RALGAPA2: variants seen among roughly 807,000 people sequenced by gnomAD.
RALGAPA2 encodes the protein ral GTPase-activating protein subunit alpha-2.
A neutral mutation model predicts 230.4 loss-of-function variants in RALGAPA2; 139 were observed. The ratio of observed to expected loss-of-function variants is 0.60; its 90% CI spans 0.53 to 0.69. The LOEUF is 0.69. Among genes scored for constraint, RALGAPA2 ranks in the 30% least tolerant of loss-of-function variants. RALGAPA2 has a pLI of 0.00. For synonymous variants in RALGAPA2, 847 were observed against 837.8 expected, an observed-to-expected ratio of 1.01 and a Z score of -0.19; for missense variants, 2,163 against 2,276.0, an observed-to-expected ratio of 0.95 and a Z score of 1.01.
At chr20:20,443,573 CCTAA>C (rs960448118) in intron 37 of RALGAPA2, among the ~76,000 whole-genome samples, 13 of 152,182 alleles carry the variant, frequency 8.5e-5, no homozygotes, top group African/African-American at 3.1e-4. Context: ...TTCCAGCATC[CCTAA>C]CTTCTTTCTG....
At chr20:20,453,810 C>G (rs1361187461) in intron 37 of RALGAPA2, among the ~76,000 whole-genome samples, 1 of 152,054 alleles carries the variant, frequency 6.6e-6, no homozygotes, top group Non-Finnish European at 1.5e-5. Flanking sequence ...AGGAAATGGC[C>G]GATGGGTATT....
rs760866441 is a variant in RALGAPA2 at position 20,680,814 on chromosome 20, A to G, written c.107-13T>C. The G allele has an allele frequency of 1.9e-6, 3 of 1,555,422 alleles. No individual in the cohort carries two copies. The highest frequency in any genetic ancestry group is 2.6e-6 in the Non-Finnish European group (3 of 1,157,874). On this transcript the variant is annotated splice_polypyrimidine_tract_variant and intron_variant, in intron 1 of 39. Coordinates refer to ENST00000202677, the MANE Select transcript of RALGAPA2 (RefSeq NM_020343.4). ...GCATCCACATTATCTGAAAAGAAAA[A>G]GTTTCCATTTATGACAATTCACTTT...
intron 14 of RALGAPA2, among the ~76,000 whole-genome samples, chr20:20,607,217 A>G (rs1274060162): frequency 6.6e-6 from 1 of 152,234 alleles, no homozygotes; most frequent in East Asian, 1.9e-4. Flanking sequence ...GAAAACTCTG[A>G]TAAACAGAAA....
chr20:20,681,598 A>G (rs897441446), intron 1 of RALGAPA2, among the ~76,000 whole-genome samples: 1 of 152,144 alleles, frequency 6.6e-6, no homozygotes, highest in Non-Finnish European at 1.5e-5. Context: ...ACCTTTGTAC[A>G]TTTTCCTCAG....
At chr20:20,487,469 C>G (rs1369217345) in intron 36 of RALGAPA2, among the ~76,000 whole-genome samples, 2 of 152,140 alleles carry the variant, frequency 1.3e-5, no homozygotes, top group Non-Finnish European at 2.9e-5. Context: ...TTTCAGTGAG[C>G]CTGTGCCCCT....
At chr20:20,395,601 T>C (rs2059696715) in intron 39 of RALGAPA2, among the ~76,000 whole-genome samples, 1 of 152,138 alleles carries the variant, frequency 6.6e-6, no homozygotes, top group Non-Finnish European at 1.5e-5. Flanking sequence ...ACCTGGGCTC[T>C]GAGGCTCGTG....
chr20:20,698,613 T>C (rs554191646), intron 1 of RALGAPA2, among the ~76,000 whole-genome samples: 2 of 152,308 alleles, frequency 1.3e-5, no homozygotes, highest in South Asian at 4.1e-4. Flanking sequence ...TTGGTCAGGC[T>C]GGCCTCAAAC....
chr20:20,647,442 C>A (rs1488615759), intron 4 of RALGAPA2, among the ~76,000 whole-genome samples: 3 of 152,270 alleles, frequency 2.0e-5, no homozygotes, highest in South Asian at 4.1e-4. Flanking sequence ...GAGGAACCAG[C>A]ATTCCACTAA....
At chr20:20,421,552 C>G (rs2060275861) in intron 37 of RALGAPA2, among the ~76,000 whole-genome samples, 1 of 152,174 alleles carries the variant, frequency 6.6e-6, no homozygotes, top group Admixed American at 6.5e-5. Context: ...TGCCTGTAAC[C>G]CCAGCTACTC....
chr20:20,419,870 CT>C (rs2060241589), intron 37 of RALGAPA2, among the ~76,000 whole-genome samples: 1 of 152,198 alleles, frequency 6.6e-6, no homozygotes, highest in Admixed American at 6.5e-5. Context: ...GAGTGCCCCC[CT>C]GTGCTAGGTA....
chr20:20,697,840 G>C (rs938613232), intron 1 of RALGAPA2, among the ~76,000 whole-genome samples: 7 of 152,180 alleles, frequency 4.6e-5, no homozygotes, highest in African/African-American at 1.7e-4. Context: ...TTTCCACCAA[G>C]TTGGGAGGTG....
intron 23 of RALGAPA2, among the ~76,000 whole-genome samples, chr20:20,564,129 A>G (rs1013737949): frequency 6.6e-6 from 1 of 152,164 alleles, no homozygotes; most frequent in Non-Finnish European, 1.5e-5. Context: ...CCCACTGTCC[A>G]TGGGATGAAA....
intron 3 of RALGAPA2, 53 bp downstream of exon 3, chr20:20,676,183 T>A: frequency 3.3e-6 from 4 of 1,210,540 alleles, no homozygotes; most frequent in South Asian, 3.5e-5. Context: ...AGATCAAAAA[T>A]ACTTTATTTC....
At chr20:20,407,859 G>C (rs1047350082) in intron 38 of RALGAPA2, among the ~76,000 whole-genome samples, 2 of 152,216 alleles carry the variant, frequency 1.3e-5, no homozygotes, top group Admixed American at 6.5e-5. Context: ...AATGGCAGTG[G>C]CATCCTAAGA....
chr20:20,608,566 T>C (rs2065890400), intron 14 of RALGAPA2, among the ~76,000 whole-genome samples: 1 of 152,170 alleles, frequency 6.6e-6, no homozygotes, highest in South Asian at 2.1e-4. Context: ...CCGTCCCTTT[T>C]AACAGTCTCC....
intron 36 of RALGAPA2, among the ~76,000 whole-genome samples, chr20:20,489,598 A>G (rs937292921): frequency 6.6e-6 from 1 of 152,028 alleles, no homozygotes; most frequent in African/African-American, 2.4e-5. Flanking sequence ...AAACCCAACA[A>G]CAACAAACTA....
chr20:20,586,119 C>T (rs1179230962), intron 18 of RALGAPA2, among the ~76,000 whole-genome samples: 2 of 152,124 alleles, frequency 1.3e-5, no homozygotes, highest in Non-Finnish European at 2.9e-5. Flanking sequence ...TCTTCTGCTT[C>T]TAACTATATG....
chr20:20,568,301 T>G (rs2064512410), intron 23 of RALGAPA2, among the ~76,000 whole-genome samples: 1 of 152,202 alleles, frequency 6.6e-6, no homozygotes, highest in Non-Finnish European at 1.5e-5. Context: ...ATGTTACATA[T>G]GTACCGGGGG....
At chr20:20,679,049 T>C (rs191995222) in intron 2 of RALGAPA2, among the ~76,000 whole-genome samples, 151 of 152,232 alleles carry the variant, frequency 9.9e-4, no homozygotes, top group African/African-American at 3.5e-3. Flanking sequence ...GTTCTGACCA[T>C]CACTCTCTTT....
Sources: gnomAD v4.1 joint callset for allele counts (sites outside exome capture counted in the v4.1 genomes callset) on GRCh38, gnomAD v4.1.1 for gene constraint, MANE v1.5 for transcripts, NCBI Gene and HGNC (gene_info 2026-07-23, HGNC 2026-07-21) for gene names.